GFRA2: variants seen among roughly 807,000 people sequenced by gnomAD.
The protein encoded by GFRA2 is GDNF family receptor alpha-2.
A neutral mutation model predicts 48.3 loss-of-function variants in GFRA2; 17 were observed. The ratio of observed to expected loss-of-function variants is 0.35; its 90% CI spans 0.24 to 0.53. The LOEUF is 0.53. Ranked by LOEUF, GFRA2 falls within the 20% of genes least tolerant of loss-of-function variation. The pLI is 0.93. For missense variants in GFRA2, 660 were observed against 637.3 expected (o/e 1.04, Z -0.38); for synonymous variants, 305 against 257.2 (o/e 1.19, Z -1.78).
intron 2 of GFRA2, chr8:21,779,758 A>G (rs1806883684): frequency 6.6e-6 from 1 of 152,180 alleles, no homozygotes; most frequent in African/African-American, 2.4e-5. Context: ...GATGGTAGTA[A>G]TTATATGCAT....
chr8:21,722,302 G>A lies in GFRA2; in HGVS notation c.795-16261C>T, dbSNP rs188304396. Among the ~76,000 whole-genome samples the A allele has an allele frequency of 1.1e-3, 162 of 152,288 alleles. 1 individual carries two copies. Among genetic ancestry groups the A allele is most frequent in the South Asian group, 2.1e-4 (1 of 4,824 alleles). ...CCATGCAGGCTCCCAGGAACATAGCGCCTTAGGAGGAGGGTGAAGTCTTAA... is the reference window on the plus strand; with the variant it reads ...CCATGCAGGCTCCCAGGAACATAGCACCTTAGGAGGAGGGTGAAGTCTTAA... On this transcript the variant is annotated intron_variant, in intron 4 of 8. Transcript: ENST00000524240.
chr8:21,696,246 G>C (rs2117321461), intron 7 of GFRA2, among the ~76,000 whole-genome samples: 1 of 147,170 alleles, frequency 6.8e-6, no homozygotes, highest in Non-Finnish European at 1.5e-5. Context: ...CACTAAACCA[G>C]TGGAGCCCAT....
intron 8 of GFRA2, among the ~76,000 whole-genome samples, chr8:21,693,758 G>C (rs1654541309): frequency 6.6e-6 from 1 of 152,160 alleles, no homozygotes; most frequent in Admixed American, 6.5e-5. Flanking sequence ...GAGGAGAGAA[G>C]AAGAAGGAGA....
At chr8:21,761,165 T>C (rs1408715870) in intron 3 of GFRA2, among the ~76,000 whole-genome samples, 1 of 152,148 alleles carries the variant, frequency 6.6e-6, no homozygotes, top group Non-Finnish European at 1.5e-5. Context: ...TCATGCTGGA[T>C]GTGCATCACC....
intron 2 of GFRA2, chr8:21,779,716 G>C (rs950460618): frequency 6.6e-6 from 1 of 152,184 alleles, no homozygotes; most frequent in Non-Finnish European, 1.5e-5. Context: ...AGAAGGCACC[G>C]CCTGATTCAT....
At chr8:21,793,866 G>GTTTTT (rs770753159), upstream of GFRA2, among the ~76,000 whole-genome samples, 3 of 135,332 alleles carry the variant, frequency 2.2e-5, no homozygotes, top group South Asian at 2.4e-4. Context: ...GAGAATCAAA[G>GTTTTT]TTTTTTTTTT....
chr8:21,705,814 G>A (rs1563217731), intron 5 of GFRA2, 118 bp downstream of exon 5: 1 of 658,334 alleles, frequency 1.5e-6, no homozygotes, highest in Non-Finnish European at 2.6e-6. Context: ...ATCTGATGCA[G>A]AGAAGGCCGG....
intron 4 of GFRA2, among the ~76,000 whole-genome samples, chr8:21,720,741 G>A (rs1478358382): frequency 6.6e-6 from 1 of 151,980 alleles, no homozygotes; most frequent in African/African-American, 2.4e-5. Context: ...CCCACCTCAG[G>A]TACCAGGTCT....
chr8:21,737,368 C>T (rs74554791), intron 4 of GFRA2, among the ~76,000 whole-genome samples: 4 of 143,210 alleles, frequency 2.8e-5, no homozygotes, highest in African/African-American at 7.7e-5. Flanking sequence ...GACTCCGTCT[C>T]AAAAAAAAAA....
intron 1 of GFRA2, among the ~76,000 whole-genome samples, chr8:21,806,526 C>T (rs1438792395): frequency 1.3e-5 from 2 of 152,138 alleles, no homozygotes; most frequent in African/African-American, 4.8e-5. Flanking sequence ...AGTGCAGAGG[C>T]ACGATCATAG....
intron 3 of GFRA2, among the ~76,000 whole-genome samples, chr8:21,758,220 CA>C: frequency 1.3e-5 from 2 of 152,086 alleles, no homozygotes; most frequent in Admixed American, 6.5e-5. Context: ...CACACACACA[CA>C]CACACACCTC....
intron 4 of GFRA2, among the ~76,000 whole-genome samples, chr8:21,716,323 A>G (rs753839831): frequency 4.1e-5 from 6 of 146,630 alleles, no homozygotes; most frequent in Non-Finnish European, 9.0e-5. Flanking sequence ...AAAAAAAAAG[A>G]CAGAAACATT....
At chr8:21,723,952 G>C (rs1803731860) in intron 4 of GFRA2, among the ~76,000 whole-genome samples, 2 of 152,086 alleles carry the variant, frequency 1.3e-5, no homozygotes, top group Admixed American at 6.5e-5. Context: ...CAAGCCCCAG[G>C]GAAGGAAATC....
At chr8:21,759,746 G>A (rs542500829) in intron 3 of GFRA2, among the ~76,000 whole-genome samples, 2 of 151,762 alleles carry the variant, frequency 1.3e-5, no homozygotes, top group Non-Finnish European at 2.9e-5. Context: ...AAAATGAGCC[G>A]AGTGTGGTGG....
intron 2 of GFRA2, among the ~76,000 whole-genome samples, chr8:21,794,204 T>C (rs906608140): frequency 7.0e-5 from 10 of 143,876 alleles, no homozygotes; most frequent in Admixed American, 2.1e-4. Context: ...TTTTTTATTC[T>C]AAAAAAATTA....
chr8:21,698,986 C>T (rs139844668), intron 7 of GFRA2, among the ~76,000 whole-genome samples: 88 of 152,324 alleles, frequency 5.8e-4, no homozygotes, highest in Non-Finnish European at 8.8e-4. Flanking sequence ...TCAACGCACT[C>T]TCTCCCTCTT....
intron 3 of GFRA2, among the ~76,000 whole-genome samples, chr8:21,766,577 A>G (rs372418956): frequency 1.8e-4 from 27 of 151,528 alleles, no homozygotes; most frequent in African/African-American, 6.5e-4. Flanking sequence ...CAGTCCACAC[A>G]TTCCTGTTAC....
At chr8:21,783,388 G>A (rs942398637) in intron 1 of GFRA2, among the ~76,000 whole-genome samples, 8 of 152,184 alleles carry the variant, frequency 5.3e-5, no homozygotes, top group East Asian at 1.9e-4. Flanking sequence ...AAGTCATTTC[G>A]TTGTCATTGC....
chr8:21,796,153 G>A (rs1425766903), intron 2 of GFRA2, among the ~76,000 whole-genome samples: 2 of 152,210 alleles, frequency 1.3e-5, no homozygotes, highest in Non-Finnish European at 2.9e-5. Context: ...CTGCCCCAGA[G>A]ACACTGCACT....
Sources: allele counts gnomAD v4.1 joint callset (sites outside exome capture counted in the v4.1 genomes callset), GRCh38; gene constraint gnomAD v4.1.1; transcripts MANE v1.5; gene names NCBI Gene and HGNC (gene_info 2026-07-23, HGNC 2026-07-21).